Variants in SH3BGRL2 observed in about 807,000 individuals in gnomAD.
SH3BGRL2 encodes the protein SH3 domain-binding glutamic acid-rich-like protein 2.
A neutral mutation model predicts 14.8 loss-of-function variants in SH3BGRL2; 21 were observed. The ratio of observed to expected loss-of-function variants is 1.42; its 90% confidence interval spans 1.01 to 2.05. The LOEUF (loss-of-function observed/expected upper bound fraction) is 2.05. SH3BGRL2 is among the 30% of genes most tolerant of loss of function. SH3BGRL2 has a pLI of 0.00. For synonymous variants in SH3BGRL2, 50 were observed against 47.8 expected, an observed-to-expected ratio of 1.05 and a Z score of -0.19; for missense variants, 147 against 130.8, an observed-to-expected ratio of 1.12 and a Z score of -0.61.
Position 79,699,706 on chromosome 6 carries a change from A to ATT in SH3BGRL2, c.*206_*207dup. 1.5e-6 allele frequency: 1 copy of ATT among 661,662 alleles called. No homozygotes were observed. The highest frequency in any genetic ancestry group is 2.2e-6 in the Non-Finnish European group (1 of 448,346). The allele number at this position is 661,662 out of a possible 1,614,324, so 41.0% of individuals were successfully genotyped here. A position where few individuals can be genotyped will look rare whatever the true frequency, so the allele number is the denominator to read the frequency against. On this transcript the variant is annotated 3_prime_UTR_variant, in exon 4 of 4. Coordinates refer to ENST00000369838, the MANE Select transcript of SH3BGRL2 (RefSeq NM_031469.4). ...TGCTTTAAACCAAATCAGGTGGTGG[A>ATT]TTTTTTTTTTCTTATTCTATTTGCC...
the SH3BGRL2 span, among the ~76,000 whole-genome samples, chr6:79,566,636 T>A: frequency 3.9e-5 from 6 of 152,110 alleles, no homozygotes; most frequent in Non-Finnish European, 8.8e-5. Flanking sequence ...CATTTATATA[T>A]TTTCCATAAT....
chr6:79,659,751 C>G (rs1018958715), intron 1 of SH3BGRL2, among the ~76,000 whole-genome samples: 1 of 152,156 alleles, frequency 6.6e-6, no homozygotes, highest in Non-Finnish European at 1.5e-5. Context: ...TTTCACGATA[C>G]TGATTCTTCC....
At chr6:79,661,471 T>C (rs2127729547) in intron 1 of SH3BGRL2, among the ~76,000 whole-genome samples, 1 of 152,370 alleles carries the variant, frequency 6.6e-6, no homozygotes, top group Non-Finnish European at 1.5e-5. Flanking sequence ...TGAGTTCTAA[T>C]TTTATTGCAC....
At chr6:79,661,277 A>C (rs1213454116) in intron 1 of SH3BGRL2, among the ~76,000 whole-genome samples, 1 of 152,186 alleles carries the variant, frequency 6.6e-6, no homozygotes, top group African/African-American at 2.4e-5. Flanking sequence ...TAGTACTATA[A>C]ATTTCCCTCT....
chr6:79,569,166 G>A, the SH3BGRL2 span, among the ~76,000 whole-genome samples: 3 of 152,134 alleles, frequency 2.0e-5, no homozygotes, highest in African/African-American at 7.2e-5. Flanking sequence ...TGAAGCTTGG[G>A]GTGGATAGTT....
At position 79,700,632 on chromosome 6, in the gene SH3BGRL2, C is replaced by CA. The variant is rs1360201820; in HGVS notation, c.*1125dup. 6.6e-6 allele frequency: 1 copy of CA among 152,088 alleles called. No individual in the cohort carries two copies. The highest frequency in any genetic ancestry group is 1.5e-5 in the Non-Finnish European group (1 of 68,034). 9.4% of individuals were successfully genotyped at this position (152,088 alleles called of 1,614,324 possible). A position where few individuals can be genotyped will look rare whatever the true frequency, so the allele number is the denominator to read the frequency against. ...CTTGTTCTCATTCCGTATATGAGCA[C>CA]AAGTAAGGTTTCAGAGCAACACACA... On this transcript the variant is annotated 3_prime_UTR_variant, in exon 4 of 4. Transcript: ENST00000369838.
chr6:79,591,953 C>T, the SH3BGRL2 span, among the ~76,000 whole-genome samples: 1 of 152,162 alleles, frequency 6.6e-6, no homozygotes, highest in Non-Finnish European at 1.5e-5. Flanking sequence ...AAGAGAAACT[C>T]ATGACCTCAT....
At chr6:79,567,844 T>C in the SH3BGRL2 span, among the ~76,000 whole-genome samples, 1 of 145,618 alleles carries the variant, frequency 6.9e-6, no homozygotes, top group African/African-American at 2.8e-5. Flanking sequence ...TTCTAACACA[T>C]GTTAATTAGA....
intron 2 of SH3BGRL2, among the ~76,000 whole-genome samples, chr6:79,683,489 C>T (rs1166320315): frequency 7.3e-5 from 11 of 150,244 alleles, no homozygotes; most frequent in Middle Eastern, 3.4e-3. Context: ...GATGGAGTCT[C>T]GCTCTGTTGC....
chr6:79,654,960 ATTAC>A (rs1464071932), intron 1 of SH3BGRL2, among the ~76,000 whole-genome samples: 1 of 152,172 alleles, frequency 6.6e-6, no homozygotes, highest in Non-Finnish European at 1.5e-5. Flanking sequence ...TAAGTAAGCT[ATTAC>A]TTAATTCATT....
the SH3BGRL2 span, among the ~76,000 whole-genome samples, chr6:79,560,668 A>G: frequency 6.6e-6 from 1 of 152,316 alleles, no homozygotes; most frequent in South Asian, 2.1e-4. Flanking sequence ...GATGAAATAA[A>G]TGTTTAAAAT....
Position 79,689,554 on chromosome 6 carries a change from C to T in SH3BGRL2, c.232-6931C>T, listed in dbSNP as rs374347841. 4.6e-5 allele frequency among the ~76,000 whole-genome samples: 7 copies of T among 151,840 alleles called. No individual in the cohort carries two copies. In the South Asian group the frequency reaches 6.2e-4, roughly 14 times the overall value. On this transcript the variant is annotated intron_variant, in intron 2 of 3. Coordinates refer to ENST00000369838, the MANE Select transcript of SH3BGRL2 (RefSeq NM_031469.4). ...CATGAGAGAAAATGTTACATATACA[C>T]GGTTTTTCTTTTTAATTGAGACAGG...
At chr6:79,603,162 C>T in the SH3BGRL2 span, among the ~76,000 whole-genome samples, 1 of 152,142 alleles carries the variant, frequency 6.6e-6, no homozygotes, top group African/African-American at 2.4e-5. Flanking sequence ...TAAAATGGAC[C>T]TTACAGTGAA....
At chr6:79,641,182 G>GTA (rs1263874540) in intron 1 of SH3BGRL2, among the ~76,000 whole-genome samples, 1 of 150,478 alleles carries the variant, frequency 6.6e-6, no homozygotes, top group Non-Finnish European at 1.5e-5. Flanking sequence ...GTGTGTGTGT[G>GTA]TGTGTGTGTG....
chr6:79,606,808 TG>T, the SH3BGRL2 span, among the ~76,000 whole-genome samples: 1 of 152,226 alleles, frequency 6.6e-6, no homozygotes, highest in East Asian at 1.9e-4. Flanking sequence ...TACCTACCAG[TG>T]CATTCTTGCT....
the SH3BGRL2 span, among the ~76,000 whole-genome samples, chr6:79,615,866 A>G: frequency 2.1e-5 from 1 of 47,804 alleles, no homozygotes; most frequent in Non-Finnish European, 4.2e-5. Flanking sequence ...GAGTTTTGCT[A>G]TTGTTGCCCA....
chr6:79,587,642 A>G, the SH3BGRL2 span, among the ~76,000 whole-genome samples: 2 of 152,232 alleles, frequency 1.3e-5, no homozygotes, highest in Non-Finnish European at 2.9e-5. Context: ...TTACCATTGT[A>G]GGGCAGGAAA....
the SH3BGRL2 span, among the ~76,000 whole-genome samples, chr6:79,541,379 A>T: frequency 6.6e-6 from 1 of 152,242 alleles, no homozygotes; most frequent in South Asian, 2.1e-4. Context: ...GGTTTGTATA[A>T]CAGAAAAATC....
At chr6:79,585,822 G>A in the SH3BGRL2 span, among the ~76,000 whole-genome samples, 4 of 150,260 alleles carry the variant, frequency 2.7e-5, no homozygotes, top group African/African-American at 4.9e-5. Flanking sequence ...AAGCTTGTCC[G>A]ACCTGTAGCC....
Sources: allele counts gnomAD v4.1 joint callset (sites outside exome capture counted in the v4.1 genomes callset), GRCh38; gene constraint gnomAD v4.1.1; transcripts MANE v1.5; gene names NCBI Gene and HGNC (gene_info 2026-07-23, HGNC 2026-07-21).